Variants in MAP4K3 observed in about 807,000 individuals in gnomAD.
MAP4K3 encodes the protein mitogen-activated protein kinase kinase kinase kinase 3.
Under a neutral mutation model 143.5 loss-of-function variants are expected in MAP4K3, and 94 were observed. The ratio of observed to expected loss-of-function variants is 0.65; its 90% CI spans 0.55 to 0.78. The LOEUF is 0.78. Among genes scored for constraint, MAP4K3 ranks in the 30% least tolerant of loss-of-function variants. The pLI is 0.00. For synonymous variants in MAP4K3, 416 were observed against 347.2 expected, an observed-to-expected ratio of 1.20 and a Z score of -2.20; for missense variants, 1,077 against 1,068.1, an observed-to-expected ratio of 1.01 and a Z score of -0.12.
At position 39,304,785 on chromosome 2, in the gene MAP4K3, G is replaced by C. The variant is rs566638412; in HGVS notation, c.1119+3158C>G. ...GTTTATAGCAGCATTATTCACAATA[G>C]CCAAAAGGTAGAAGCAACTCACTGT... On this transcript the variant is annotated intron_variant, in intron 15 of 33. Coordinates refer to ENST00000263881, the MANE Select transcript of MAP4K3 (RefSeq NM_003618.4). 3.9e-5 allele frequency among the ~76,000 whole-genome samples: 6 copies of C among 152,306 alleles called. No homozygotes were observed. The East Asian group carries it at 1.2e-3, about 29-fold the overall frequency.
chr2:39,400,272 T>C (rs1380997449), intron 1 of MAP4K3, among the ~76,000 whole-genome samples: 2 of 152,198 alleles, frequency 1.3e-5, no homozygotes, highest in African/African-American at 4.8e-5. Flanking sequence ...CCATAATCTC[T>C]TCTCTGGAAT....
intron 1 of MAP4K3, among the ~76,000 whole-genome samples, chr2:39,378,879 A>G (rs578077696): frequency 1.1e-3 from 170 of 151,618 alleles, no homozygotes; most frequent in Non-Finnish European, 1.8e-3. Flanking sequence ...TTATGTGTAC[A>G]TATAACAATA....
chr2:39,333,056 C>T (rs749273122), intron 7 of MAP4K3, among the ~76,000 whole-genome samples: 4 of 151,954 alleles, frequency 2.6e-5, no homozygotes, highest in Non-Finnish European at 4.4e-5. Context: ...AATTTAACAA[C>T]CTACAGTTAC....
chr2:39,271,044 G>C (rs1680997712), intron 26 of MAP4K3, among the ~76,000 whole-genome samples: 1 of 151,722 alleles, frequency 6.6e-6, no homozygotes, highest in Non-Finnish European at 1.5e-5. Context: ...GAACACATGG[G>C]GAAAGGTTGT....
At chr2:39,305,931 G>A (rs995676669) in intron 15 of MAP4K3, among the ~76,000 whole-genome samples, 6 of 151,966 alleles carry the variant, frequency 3.9e-5, no homozygotes, top group African/African-American at 1.4e-4. Context: ...CCAGGTTCAA[G>A]GATTCTCCTG....
Position 39,260,917 on chromosome 2 carries a change from T to C in MAP4K3, c.2137-140A>G, listed in dbSNP as rs1680543148. 6.6e-6 allele frequency: 4 copies of C among 602,432 alleles called. No individual in the cohort carries two copies. In the South Asian group the frequency reaches 6.7e-5, roughly 10 times the overall value. 37.3% of individuals were successfully genotyped at this position (602,432 alleles called of 1,614,324 possible). ...AGGTAATGCAGAAAAATCTAAATTA[T>C]GGACTCTCTTTTATAAACATTTTAG... On this transcript the variant is annotated intron_variant, in intron 28 of 33. Coordinates refer to ENST00000263881, the MANE Select transcript of MAP4K3 (RefSeq NM_003618.4).
intron 24 of MAP4K3, among the ~76,000 whole-genome samples, chr2:39,277,325 C>T (rs1681305807): frequency 6.6e-6 from 1 of 152,204 alleles, no homozygotes; most frequent in Non-Finnish European, 1.5e-5. Flanking sequence ...GTGTGACAAA[C>T]TTCTATTCAT....
Position 39,282,542 on chromosome 2 carries a change from T to TA in MAP4K3, c.1599dup (p.Asn534Ter). ...ACTTTAGGTGTTGGAGGAAGACCAT[T>TA]ACTAATAGGCTTCTAGAAAAAGAAC... On this transcript the variant is annotated frameshift_variant, in exon 22 of 34. Transcript: ENST00000263881. LOFTEE classifies it high-confidence loss of function. 6.2e-7 allele frequency: 1 copy of TA among 1,611,630 alleles called. No homozygotes were observed.
intron 29 of MAP4K3, among the ~76,000 whole-genome samples, chr2:39,259,862 G>C (rs894984735): frequency 6.6e-6 from 1 of 151,986 alleles, no homozygotes; most frequent in African/African-American, 2.4e-5. Context: ...TGACTTTACG[G>C]GTTTCCTATA....
intron 24 of MAP4K3, 152 bp from the exon 25 acceptor site, chr2:39,272,694 C>A: frequency 3.2e-6 from 2 of 622,326 alleles, no homozygotes; most frequent in Non-Finnish European, 5.7e-6. Flanking sequence ...AGGATTCAAA[C>A]CAAGATGATA....
At chr2:39,279,040 G>C (rs891081975) in intron 23 of MAP4K3, among the ~76,000 whole-genome samples, 8 of 151,970 alleles carry the variant, frequency 5.3e-5, no homozygotes, top group African/African-American at 1.4e-4. Flanking sequence ...TTTTTTGTTT[G>C]TTTGTTTGTT....
chr2:39,392,897 T>C (rs940544149), intron 1 of MAP4K3, among the ~76,000 whole-genome samples: 1 of 152,186 alleles, frequency 6.6e-6, no homozygotes, highest in Admixed American at 6.5e-5. Flanking sequence ...CTTTCCAGCC[T>C]CCAAAACTGT....
chr2:39,321,323 T>C, intron 12 of MAP4K3, among the ~76,000 whole-genome samples: 1 of 152,188 alleles, frequency 6.6e-6, no homozygotes, highest in Non-Finnish European at 1.5e-5. Context: ...ACATGTGCTG[T>C]GTCAAACTCA....
Position 39,367,414 on chromosome 2 carries a change from C to T in MAP4K3, c.154+10652G>A, listed in dbSNP as rs115281784. On this transcript the variant is annotated intron_variant, in intron 2 of 33. Coordinates refer to ENST00000263881, the MANE Select transcript of MAP4K3 (RefSeq NM_003618.4). ...AATAAGCTGGGTATGGTGGTGTGAG[C>T]CTGTAGTCGCAGCTACTTGGGAGGC... Among the ~76,000 whole-genome samples the T allele has an allele frequency of 5.5e-3, 834 of 151,962 alleles. 3 individuals are homozygous for T. The highest frequency in any genetic ancestry group is 0.019 in the South Asian group (90 of 4,790).
intron 1 of MAP4K3, among the ~76,000 whole-genome samples, chr2:39,394,571 G>A (rs1440184306): frequency 6.6e-6 from 1 of 152,146 alleles, no homozygotes; most frequent in African/African-American, 2.4e-5. Context: ...AGGAAGGGGT[G>A]ATAGTGGAGG....
At chr2:39,313,424 T>C (rs1046819774) in intron 13 of MAP4K3, among the ~76,000 whole-genome samples, 3 of 152,164 alleles carry the variant, frequency 2.0e-5, no homozygotes, top group Non-Finnish European at 4.4e-5. Flanking sequence ...TTTGTGTCCA[T>C]GAATTCTCAT....
chr2:39,304,510 T>C (rs1682624602), intron 15 of MAP4K3, among the ~76,000 whole-genome samples: 1 of 152,208 alleles, frequency 6.6e-6, no homozygotes, highest in African/African-American at 2.4e-5. Context: ...ATGGCTACTT[T>C]ATACCCATTA....
At chr2:39,268,632 C>CTTTT (rs1389888924) in intron 26 of MAP4K3, among the ~76,000 whole-genome samples, 13 of 45,728 alleles carry the variant, frequency 2.8e-4, no homozygotes, top group East Asian at 1.2e-3. Flanking sequence ...AAGATTTTTT[C>CTTTT]TATTTTTTTT....
At position 39,260,683 on chromosome 2, in the gene MAP4K3, C is replaced by G. The variant is rs142364483; in HGVS notation, c.2231G>C (p.Arg744Thr). ...EYPLVCVGVSRGRDFNQVVRF... is the reference protein window; with the variant it reads ...EYPLVCVGVSTGRDFNQVVRF... ...AACCACTTGGTTGAAGTCTCTACCTCTACTGACACCAACACAAACTAAAGG... is the reference window on the plus strand; with the variant it reads ...AACCACTTGGTTGAAGTCTCTACCTGTACTGACACCAACACAAACTAAAGG... The change falls in exon 29 of 34, where the codon AGA becomes ACA. Residue 744 changes from arginine (R) to threonine (T), a missense_variant. By Grantham distance (71) the Arg-to-Thr change is moderately conservative (BLOSUM62 -1). This residue lies in a region of MAP4K3 where 864 missense variants were observed against 801.2 expected (regional missense o/e 1.08). Coordinates refer to ENST00000263881, the MANE Select transcript of MAP4K3 (RefSeq NM_003618.4). The G allele has an allele frequency of 6.2e-7, 1 of 1,613,786 alleles. No homozygotes were observed. The highest frequency in any genetic ancestry group is 1.7e-5 in the Admixed American group (1 of 60,002).
Sources: allele counts gnomAD v4.1 joint callset (sites outside exome capture counted in the v4.1 genomes callset), GRCh38; gene constraint gnomAD v4.1.1; regional missense constraint gnomAD v4.1.1; transcripts MANE v1.5; gene names NCBI Gene and HGNC (gene_info 2026-07-23, HGNC 2026-07-21).